CHEK2: variants seen among roughly 807,000 people sequenced by gnomAD.
CHEK2 encodes the protein checkpoint kinase 2.
A neutral mutation model predicts 69.1 loss-of-function variants in CHEK2; 71 were observed. The observed-to-expected ratio is 1.03, with a 90% CI of 0.85 to 1.25. The LOEUF is 1.25. Ranked by LOEUF, CHEK2 falls within the 50% of genes most tolerant of loss-of-function variation. The pLI is 0.00. For synonymous variants in CHEK2, 189 were observed against 226.9 expected (o/e 0.83, Z 1.50); for missense variants, 664 against 649.6 (o/e 1.02, Z -0.24).
chr22:28,739,930 C>A (rs1465580479), intron 1 of CHEK2, among the ~76,000 whole-genome samples: 1 of 152,166 alleles, frequency 6.6e-6, no homozygotes, highest in Non-Finnish European at 1.5e-5. Flanking sequence ...TGGCCATGTA[C>A]AGTGGCTCAC....
chr22:28,723,040 TTCC>T (rs1006732116), intron 4 of CHEK2, among the ~76,000 whole-genome samples: 3 of 152,186 alleles, frequency 2.0e-5, no homozygotes, highest in African/African-American at 7.2e-5. Flanking sequence ...AAAAATTGTA[TTCC>T]TCCTGTCTAA....
chr22:28,693,817 C>T (rs186826166), intron 13 of CHEK2, among the ~76,000 whole-genome samples: 20 of 152,154 alleles, frequency 1.3e-4, no homozygotes, highest in Middle Eastern at 3.4e-3. Flanking sequence ...TGAGATCGTG[C>T]CACTGCACTC....
At chr22:28,701,544 A>G (rs2052847840) in intron 8 of CHEK2, among the ~76,000 whole-genome samples, 2 of 152,296 alleles carry the variant, frequency 1.3e-5, no homozygotes, top group Non-Finnish European at 2.9e-5. Context: ...ATCACCCTGC[A>G]TAGATACGAT....
At chr22:28,698,120 G>T (rs537651469) in intron 9 of CHEK2, among the ~76,000 whole-genome samples, 1 of 150,866 alleles carries the variant, frequency 6.6e-6, no homozygotes, top group East Asian at 2.0e-4. Context: ...GGCGGGCACG[G>T]TGGCTCATGC....
At chr22:28,719,305 AAT>A (rs1266385370) in intron 5 of CHEK2, 88 bp downstream of exon 5, 17 of 682,556 alleles carry the variant, frequency 2.5e-5, no homozygotes, top group Non-Finnish European at 3.8e-5. Context: ...ATCAATACAT[AAT>A]GAGTGTTATA....
chr22:28,713,114 A>G (rs2053461698), intron 5 of CHEK2, among the ~76,000 whole-genome samples: 1 of 152,124 alleles, frequency 6.6e-6, no homozygotes, highest in East Asian at 1.9e-4. Flanking sequence ...GGATTCTTTC[A>G]CTTAGCGTAA....
At chr22:28,722,865 T>C (rs1241691675) in intron 4 of CHEK2, among the ~76,000 whole-genome samples, 1 of 152,096 alleles carries the variant, frequency 6.6e-6, no homozygotes, top group Admixed American at 6.6e-5. Flanking sequence ...TACAGACTCA[T>C]GCCGCAGCCC....
At chr22:28,727,349 A>G (rs2054050151) in intron 2 of CHEK2, among the ~76,000 whole-genome samples, 1 of 152,104 alleles carries the variant, frequency 6.6e-6, no homozygotes, top group Non-Finnish European at 1.5e-5. Flanking sequence ...CCTCCCGCTC[A>G]GCTTGTTATA....
intron 4 of CHEK2, among the ~76,000 whole-genome samples, chr22:28,722,397 G>C (rs181307338): frequency 4.7e-4 from 72 of 151,996 alleles, no homozygotes; most frequent in African/African-American, 1.7e-3. Flanking sequence ...AAAATTAGCC[G>C]GGCGCAGTGG....
Position 28,719,471 on chromosome 22 carries a change from C to A in CHEK2, c.607G>T (p.Asp203Tyr). The A allele has an allele frequency of 1.3e-6, 2 of 1,580,966 alleles. No homozygotes were observed. The highest frequency in any genetic ancestry group is 2.3e-5 in the South Asian group (2 of 87,850). ...ACTGACTGATCATCTACAGTCAGAT[C>A]AAAAAAGACAAAAACTAAGGAAGAA... Reference protein sequence around the residue: ...LSRNKVFVFFDLTVDDQSVYP... With the variant: ...LSRNKVFVFFYLTVDDQSVYP... Residue 203 changes from aspartate to tyrosine, a missense_variant, in exon 5 of 15, where the codon GAT becomes TAT. Physicochemically the swap from Asp to Tyr is radical, Grantham distance 160 (BLOSUM62 -3). Coordinates refer to ENST00000404276, the MANE Select transcript of CHEK2 (RefSeq NM_007194.4).
chr22:28,715,954 C>G (rs953491330), intron 5 of CHEK2, among the ~76,000 whole-genome samples: 8 of 152,000 alleles, frequency 5.3e-5, no homozygotes, highest in African/African-American at 1.9e-4. Flanking sequence ...CAGCCTCCAC[C>G]TCCTGGGCTC....
intron 8 of CHEK2, among the ~76,000 whole-genome samples, 154 bp from the exon 9 acceptor site, chr22:28,700,091 T>C (rs1350856253): frequency 6.6e-6 from 1 of 152,180 alleles, no homozygotes; most frequent in African/African-American, 2.4e-5. Context: ...ATAAGGTTTA[T>C]TCACAATCAG....
At chr22:28,702,450 G>A (rs1272396915) in intron 8 of CHEK2, among the ~76,000 whole-genome samples, 16 of 151,538 alleles carry the variant, frequency 1.1e-4, no homozygotes, top group East Asian at 3.9e-4. Context: ...GTGTTAGCCA[G>A]GATGGCCTCG....
At position 28,727,840 on chromosome 22, in the gene CHEK2, A is replaced by G. The variant is rs925873679; in HGVS notation, c.320-2473T>C. 3.9e-5 allele frequency: 6 copies of G among 152,238 alleles called. No homozygotes were observed. In the East Asian group the frequency reaches 9.6e-4, roughly 24 times the overall value. 9.4% of individuals were successfully genotyped at this position (152,238 alleles called of 1,614,324 possible). On this transcript the variant is annotated intron_variant, in intron 2 of 14. Coordinates refer to ENST00000404276, the MANE Select transcript of CHEK2 (RefSeq NM_007194.4). ...TTACCTATTAGATTGGCAAAAATCC[A>G]AAAGTTTCATATCACCCTGTGCTGG...
At chr22:28,708,385 G>A (rs1257209111) in intron 7 of CHEK2, among the ~76,000 whole-genome samples, 1 of 151,376 alleles carries the variant, frequency 6.6e-6, no homozygotes, top group African/African-American at 2.4e-5. Flanking sequence ...GTGTGTGTGT[G>A]TGTGTGTGTG....
chr22:28,723,426 G>T lies in CHEK2; in HGVS notation c.592+1551C>A, dbSNP rs539411169. 2.6e-5 allele frequency among the ~76,000 whole-genome samples: 4 copies of T among 151,550 alleles called. No individual in the cohort carries two copies. The South Asian group carries it at 8.3e-4, about 32-fold the overall frequency. On this transcript the variant is annotated intron_variant, in intron 4 of 14. Transcript: ENST00000404276. ...ATCCTGGCTAAAACAGTGAAACCCC[G>T]TCTCTACTAAAAATACAAAAAATTA... is the stretch of plus-strand genomic sequence containing the variant.
intron 4 of CHEK2, among the ~76,000 whole-genome samples, chr22:28,721,260 TTTTGTTTGTTG>T (rs2053764049): frequency 6.6e-6 from 1 of 151,902 alleles, no homozygotes; most frequent in Non-Finnish European, 1.5e-5. Flanking sequence ...ATGTACTGTT[TTTTGTTTGTTG>T]TTTGTTTGGG....
chr22:28,691,413 G>A (rs1180757720), intron 13 of CHEK2, among the ~76,000 whole-genome samples: 1 of 152,246 alleles, frequency 6.6e-6, no homozygotes, highest in Non-Finnish European at 1.5e-5. Flanking sequence ...CAGAGGTAGA[G>A]GTTGCAGTGA....
At chr22:28,730,819 T>G (rs2054193036) in intron 2 of CHEK2, among the ~76,000 whole-genome samples, 1 of 152,050 alleles carries the variant, frequency 6.6e-6, no homozygotes, top group Non-Finnish European at 1.5e-5. Flanking sequence ...GATCATGACA[T>G]TGCAATCCAG....
Sources: gnomAD v4.1 joint callset for allele counts (sites outside exome capture counted in the v4.1 genomes callset) on GRCh38, gnomAD v4.1.1 for gene constraint, MANE v1.5 for transcripts, NCBI Gene and HGNC (gene_info 2026-07-23, HGNC 2026-07-21) for gene names.